The following ORC1 variants were observed in gnomAD, a reference collection of about 807,000 sequenced individuals.
The protein encoded by ORC1 is origin recognition complex, subunit 1 homolog.
ORC1 carries 61 observed loss-of-function variants against 98.9 expected under a neutral mutation model. The ratio of observed to expected loss-of-function variants is 0.62; its 90% confidence interval spans 0.50 to 0.76. The LOEUF (loss-of-function observed/expected upper bound fraction) is 0.76, where lower values mean the gene tolerates loss of function less well. Among genes scored for constraint, ORC1 ranks in the 30% least tolerant of loss-of-function variants. The pLI is 0.00. For missense variants in ORC1, 979 were observed against 1,072.2 expected (o/e 0.91, Z 1.21); for synonymous variants, 385 against 406.9 (o/e 0.95, Z 0.65).
chr1:52,381,506 A>C lies in ORC1; in HGVS notation c.2133+136T>G, dbSNP rs181270997. 878 of 933,580 alleles carry C rather than the reference A, an allele frequency of 9.4e-4. 2 individuals carry two copies. The highest frequency in any genetic ancestry group is 1.3e-3 in the Non-Finnish European group (805 of 616,414). 57.8% of individuals were successfully genotyped at this position (933,580 alleles called of 1,614,324 possible). Reference sequence around the variant, plus strand: ...TAACAAGGCTAAGGAATTTCTCATAATCTTGTCTTTTTTGATATTTTTACA... The same window carrying C: ...TAACAAGGCTAAGGAATTTCTCATACTCTTGTCTTTTTTGATATTTTTACA... On this transcript the variant is annotated intron_variant, in intron 14 of 16. Transcript: ENST00000371568.
At chr1:52,387,228 G>C (rs1002267729) in intron 8 of ORC1, among the ~76,000 whole-genome samples, 3 of 152,118 alleles carry the variant, frequency 2.0e-5, no homozygotes, top group Admixed American at 2.0e-4. Context: ...GAGGAGCAGA[G>C]GCATTAGATT....
At chr1:52,406,327 T>C (rs1028616634), upstream of ORC1, among the ~76,000 whole-genome samples, 4 of 152,178 alleles carry the variant, frequency 2.6e-5, no homozygotes, top group Admixed American at 2.0e-4. Context: ...TGTATTAATC[T>C]TCTACTTTAC....
chr1:52,408,346 T>A (rs1488622555), upstream of ORC1: 1 of 671,388 alleles, frequency 1.5e-6, no homozygotes, highest in Admixed American at 2.0e-5. Flanking sequence ...AGTTGATCAA[T>A]ATGTATGATG....
At chr1:52,403,906 G>GA (rs1470381425) in intron 1 of ORC1, among the ~76,000 whole-genome samples, 9 of 152,302 alleles carry the variant, frequency 5.9e-5, no homozygotes, top group African/African-American at 2.2e-4. Flanking sequence ...ATAGCTCAAA[G>GA]AACGAAACAA....
intron 7 of ORC1, 95 bp from the exon 8 acceptor site, chr1:52,388,732 C>CACAGGAGGGA: frequency 8.8e-7 from 1 of 1,133,462 alleles, no homozygotes; most frequent in Non-Finnish European, 1.3e-6. Flanking sequence ...ATTGCAGGGT[C>CACAGGAGGGA]CCTCCTGTGA....
chr1:52,376,163 G>T (rs1456509445), intron 14 of ORC1, among the ~76,000 whole-genome samples: 2 of 152,196 alleles, frequency 1.3e-5, no homozygotes, highest in African/African-American at 4.8e-5. Flanking sequence ...CCTGAGGTCA[G>T]GAGTTTGAGA....
rs1287883191 is a variant in ORC1, at chr1:52,388,431, A to T, written c.1383+11T>A. The T allele has an allele frequency of 5.0e-6, 8 of 1,610,826 alleles. No individual in the cohort carries two copies. Among genetic ancestry groups the T allele is most frequent in the Non-Finnish European group, 5.9e-6 (7 of 1,177,128 alleles). On this transcript the variant is annotated intron_variant, in intron 8 of 16. Coordinates refer to ENST00000371568, the MANE Select transcript of ORC1 (RefSeq NM_004153.4). ...ATGCTTCAATGGGAAGTAAACCTAG[A>T]AGAACCTTACACTCTTCTTTGGCAC...
At position 52,374,935 on chromosome 1, in the gene ORC1, G is replaced by T. The variant is rs200265724; in HGVS notation, c.2304-38C>A. On this transcript the variant is annotated intron_variant, in intron 15 of 16. Coordinates refer to ENST00000371568, the MANE Select transcript of ORC1 (RefSeq NM_004153.4). ...GAGGGGATGTGAGTTTTTGTCAGTG[G>T]CTGTAACCCCAGCCCAGAGGAAAGC... 1.8e-5 allele frequency: 23 copies of T among 1,300,374 alleles called. No homozygotes were observed. The African/African-American group carries it at 2.6e-4, about 15-fold the overall frequency. The allele number at this position is 1,300,374 out of a possible 1,614,324, so 80.6% of individuals were successfully genotyped here. A position where few individuals can be genotyped will look rare whatever the true frequency, so the allele number is the denominator to read the frequency against.
At chr1:52,383,391 A>AAC (rs1281059503) in intron 13 of ORC1, 29 bp downstream of exon 13, 3 of 1,611,750 alleles carry the variant, frequency 1.9e-6, no homozygotes, top group Non-Finnish European at 2.5e-6. Flanking sequence ...GATCTGCAAG[A>AAC]ACAGCATGGG....
upstream of ORC1, among the ~76,000 whole-genome samples, chr1:52,408,086 C>G (rs1342201044): frequency 6.7e-6 from 1 of 149,806 alleles, no homozygotes; most frequent in Non-Finnish European, 1.5e-5. Context: ...AATAAAAATA[C>G]AAAAATTAGC....
rs867822211 is a variant in ORC1, at chr1:52,388,443, C to T, written c.1382G>A (p.Ser461Asn). 2 of 1,612,660 alleles carry T rather than the reference C, an allele frequency of 1.2e-6. No individual in the cohort carries two copies. The highest frequency in any genetic ancestry group is 8.5e-7 in the Non-Finnish European group (1 of 1,178,754). ...LHTLTKVPKK[S>N]LKPRTPRCAA... ...GAAGTAAACCTAGAAGAACCTTACACTCTTCTTTGGCACCTTCGTGAGGGT... is the reference window on the plus strand; with the variant it reads ...GAAGTAAACCTAGAAGAACCTTACATTCTTCTTTGGCACCTTCGTGAGGGT... The change falls in exon 8 of 17, where the codon AGT becomes AAT. Residue 461 changes from serine to asparagine, a missense_variant and splice_region_variant. Coordinates refer to ENST00000371568, the MANE Select transcript of ORC1 (RefSeq NM_004153.4).
intron 6 of ORC1, among the ~76,000 whole-genome samples, chr1:52,392,903 G>A (rs1457294221): frequency 6.6e-6 from 1 of 152,184 alleles, no homozygotes; most frequent in Non-Finnish European, 1.5e-5. Flanking sequence ...TGGGGACTCG[G>A]GGAAGGGTGG....
intron 3 of ORC1, among the ~76,000 whole-genome samples, chr1:52,398,117 T>G (rs1437920598): frequency 6.6e-6 from 1 of 151,398 alleles, no homozygotes; most frequent in Non-Finnish European, 1.5e-5. Context: ...GCACCTGCCA[T>G]CCTACCTGGC....
At chr1:52,374,676 T>C (rs1646971595) in intron 16 of ORC1, 134 bp downstream of exon 16, 2 of 708,708 alleles carry the variant, frequency 2.8e-6, no homozygotes, top group Non-Finnish European at 2.6e-6. Context: ...CACATTAAAA[T>C]AGGTGCCGGT....
intron 6 of ORC1, among the ~76,000 whole-genome samples, chr1:52,390,590 A>G (rs1647195711): frequency 6.6e-6 from 1 of 152,064 alleles, no homozygotes; most frequent in Non-Finnish European, 1.5e-5. Flanking sequence ...TAAGGTCTGG[A>G]GTTTGAGATC....
chr1:52,382,684 A>G (rs1165765812), intron 13 of ORC1, among the ~76,000 whole-genome samples: 1 of 146,468 alleles, frequency 6.8e-6, no homozygotes, highest in Non-Finnish European at 1.5e-5. Context: ...GGTTCAAGAG[A>G]TTCTCCTGCC....
chr1:52,401,874 A>G (rs1407211986), intron 2 of ORC1, among the ~76,000 whole-genome samples: 1 of 152,226 alleles, frequency 6.6e-6, no homozygotes, highest in Non-Finnish European at 1.5e-5. Context: ...CAAAAGTTAT[A>G]TAGAACTCAC....
intron 16 of ORC1, among the ~76,000 whole-genome samples, chr1:52,373,695 T>C (rs1232252218): frequency 1.3e-5 from 2 of 152,214 alleles, no homozygotes; most frequent in African/African-American, 2.4e-5. Context: ...TTAATGGATA[T>C]AAAATGACTA....
At chr1:52,394,498 T>G (rs1333696921) in intron 5 of ORC1, among the ~76,000 whole-genome samples, 7 of 151,778 alleles carry the variant, frequency 4.6e-5, no homozygotes, top group Admixed American at 4.6e-4. Flanking sequence ...TTACATAAAG[T>G]GAAATAAGTG....
Sources: allele counts gnomAD v4.1 joint callset (sites outside exome capture counted in the v4.1 genomes callset), GRCh38; gene constraint gnomAD v4.1.1; transcripts MANE v1.5; gene names NCBI Gene and HGNC (gene_info 2026-07-23, HGNC 2026-07-21).